TC2N: variants seen among roughly 807,000 people sequenced by gnomAD.
TC2N encodes the protein tandem C2 domains, nuclear.
TC2N carries 51 observed loss-of-function variants against 61.9 expected under a neutral mutation model. The ratio of observed to expected loss-of-function variants is 0.82; its 90% CI spans 0.66 to 1.04. The LOEUF is 1.04. Among genes scored for constraint, TC2N ranks in the 50% least tolerant of loss-of-function variants. TC2N has a pLI of 0.00. For missense variants in TC2N, 556 were observed against 566.7 expected (o/e 0.98, Z 0.19); for synonymous variants, 204 against 192.6 (o/e 1.06, Z -0.49).
chr14:91,787,551 G>A lies in TC2N; in HGVS notation c.1124C>T (p.Ala375Val). ...TGTTGATGAGCTTGGAAGGTACCGTGCCTCAAGAATTTGTAACTGAATTCT... is the reference window on the plus strand; with the variant it reads ...TGTTGATGAGCTTGGAAGGTACCGTACCTCAAGAATTTGTAACTGAATTCT... ...NSRIQLQILEARYLPSSSTPL... is the reference protein window; with the variant it reads ...NSRIQLQILEVRYLPSSSTPL... The change falls in exon 10 of 12, where the codon GCA (alanine) becomes GTA (valine). Residue 375 changes from alanine (A) to valine (V), a missense_variant. Physicochemically the swap from Ala to Val is moderately conservative, Grantham distance 64 (BLOSUM62 0). Transcript: ENST00000435962. 1 of 1,612,696 alleles carries A rather than the reference G, an allele frequency of 6.2e-7. No homozygotes were observed. Among genetic ancestry groups the A allele is most frequent in the Non-Finnish European group, 8.5e-7 (1 of 1,179,408 alleles).
At chr14:91,812,256 T>C (rs1886801751) in intron 3 of TC2N, 56 bp downstream of exon 3, 1 of 879,086 alleles carries the variant, frequency 1.1e-6, no homozygotes, top group East Asian at 3.0e-5. Flanking sequence ...AAAAGTAAAA[T>C]AATAGCACTT....
chr14:91,854,995 C>A (rs1888455380), intron 1 of TC2N, among the ~76,000 whole-genome samples: 1 of 152,128 alleles, frequency 6.6e-6, no homozygotes, highest in Non-Finnish European at 1.5e-5. Context: ...CTGACCTGAA[C>A]AATGGGCTGG....
At chr14:91,854,766 C>T (rs1888449874) in intron 1 of TC2N, among the ~76,000 whole-genome samples, 1 of 152,088 alleles carries the variant, frequency 6.6e-6, no homozygotes, top group Admixed American at 6.5e-5. Context: ...CTCTCCACTT[C>T]CACAATCCAT....
chr14:91,785,448 A>G (rs908211177), intron 10 of TC2N, 87 bp from the exon 11 acceptor site: 1 of 875,452 alleles, frequency 1.1e-6, no homozygotes, highest in African/African-American at 1.7e-5. Context: ...TGGAATATAT[A>G]TATATAACAT....
Position 91,785,120 on chromosome 14 carries a change from A to G in TC2N, c.1362+42T>C, listed in dbSNP as rs150407662. The G allele has an allele frequency of 3.2e-4, 440 of 1,378,944 alleles. 1 individual carries two copies. The East Asian group carries it at 9.4e-3, about 30-fold the overall frequency. 85.4% of individuals were successfully genotyped at this position (1,378,944 alleles called of 1,614,324 possible). A position where few individuals can be genotyped will look rare whatever the true frequency, so the allele number is the denominator to read the frequency against. On this transcript the variant is annotated intron_variant, in intron 11 of 11. Transcript: ENST00000435962. ...TTCCCTTTGTTAACTGACTGTTTAA[A>G]TGCATAGAAAAATATAAGGAAGGAT...
chr14:91,802,471 T>C (rs766605644), intron 3 of TC2N, 50 bp from the exon 4 acceptor site: 1 of 1,569,186 alleles, frequency 6.4e-7, no homozygotes. Flanking sequence ...CTTGGAGTTA[T>C]TAGCCAACAG....
intron 1 of TC2N, among the ~76,000 whole-genome samples, chr14:91,853,072 AAAACAAAC>A (rs924963006): frequency 4.4e-4 from 67 of 152,314 alleles, no homozygotes; most frequent in Admixed American, 2.6e-4. Flanking sequence ...CTCCATCTAA[AAAACAAAC>A]AAACAAACAA....
At chr14:91,810,087 C>T (rs187852139) in intron 3 of TC2N, among the ~76,000 whole-genome samples, 1 of 152,184 alleles carries the variant, frequency 6.6e-6, no homozygotes, top group Non-Finnish European at 1.5e-5. Flanking sequence ...AGCTTACAAT[C>T]ATGGCAGAAG....
At chr14:91,851,464 T>C (rs963032132) in intron 1 of TC2N, among the ~76,000 whole-genome samples, 19 of 152,310 alleles carry the variant, frequency 1.2e-4, no homozygotes, top group African/African-American at 4.6e-4. Flanking sequence ...AAGGTGTGTC[T>C]GGTCCCAAGT....
intron 1 of TC2N, among the ~76,000 whole-genome samples, chr14:91,845,272 T>TA (rs1412087199): frequency 6.6e-6 from 1 of 151,554 alleles, no homozygotes; most frequent in East Asian, 1.9e-4. Flanking sequence ...AATAAATAAA[T>TA]ATGTTTATAC....
intron 1 of TC2N, among the ~76,000 whole-genome samples, chr14:91,863,127 C>T (rs948320704): frequency 6.6e-6 from 1 of 152,206 alleles, no homozygotes; most frequent in Non-Finnish European, 1.5e-5. Flanking sequence ...GGGGCGGAAA[C>T]CTCCATGAGA....
intron 1 of TC2N, among the ~76,000 whole-genome samples, chr14:91,830,637 C>G (rs952298671): frequency 5.0e-4 from 73 of 145,922 alleles, no homozygotes; most frequent in African/African-American, 1.8e-3. Context: ...GTGATAGTTG[C>G]ACAGCTAAAT....
At chr14:91,799,112 A>C (rs764133344) in intron 5 of TC2N, 48 bp from the exon 6 acceptor site, 31 of 1,264,628 alleles carry the variant, frequency 2.5e-5, no homozygotes, top group Non-Finnish European at 3.2e-5. Context: ...TGAAACCTTA[A>C]GGATTCTGAT....
intron 1 of TC2N, among the ~76,000 whole-genome samples, chr14:91,844,736 G>A (rs1219059431): frequency 6.9e-6 from 1 of 143,960 alleles, no homozygotes; most frequent in Non-Finnish European, 1.5e-5. Context: ...ACTCCAGCCT[G>A]GGCGACAGAG....
chr14:91,788,737 T>C (rs1248437388), intron 9 of TC2N, among the ~76,000 whole-genome samples: 1 of 152,188 alleles, frequency 6.6e-6, no homozygotes, highest in Non-Finnish European at 1.5e-5. Context: ...AAACCAGTCA[T>C]GCCATAAGAA....
intron 1 of TC2N, among the ~76,000 whole-genome samples, chr14:91,856,534 G>T (rs1237108057): frequency 6.6e-6 from 1 of 151,874 alleles, no homozygotes; most frequent in Non-Finnish European, 1.5e-5. Context: ...AAGGAAGATA[G>T]GGAGGAGGGA....
intron 8 of TC2N, among the ~76,000 whole-genome samples, chr14:91,792,856 A>T (rs945289981): frequency 1.3e-5 from 2 of 152,136 alleles, no homozygotes; most frequent in African/African-American, 4.8e-5. Context: ...TTGTTTTTCC[A>T]TCTTTGGTTC....
intron 4 of TC2N, among the ~76,000 whole-genome samples, chr14:91,801,540 C>G (rs1436683974): frequency 1.3e-5 from 2 of 152,058 alleles, no homozygotes; most frequent in African/African-American, 4.8e-5. Flanking sequence ...TTCTGTAGCC[C>G]CAGCTTCTGC....
chr14:91,802,746 G>GGA (rs934430381), intron 3 of TC2N, among the ~76,000 whole-genome samples: 4 of 150,860 alleles, frequency 2.7e-5, no homozygotes, highest in African/African-American at 9.8e-5. Context: ...TACAAGATTG[G>GGA]GGGGGGAGAT....
Sources: gnomAD v4.1 joint callset for allele counts (sites outside exome capture counted in the v4.1 genomes callset) on GRCh38, gnomAD v4.1.1 for gene constraint, MANE v1.5 for transcripts, NCBI Gene and HGNC (gene_info 2026-07-23, HGNC 2026-07-21) for gene names.